The following GHR variants were observed in gnomAD, a reference collection of about 807,000 sequenced individuals.
GHR encodes GH receptor.
GHR carries 35 observed loss-of-function variants against 67.1 expected under a neutral mutation model. The observed-to-expected ratio is 0.52, with a 90% CI of 0.40 to 0.69. The LOEUF (loss-of-function observed/expected upper bound fraction) is 0.69. Ranked by LOEUF, GHR falls within the 30% of genes least tolerant of loss-of-function variation. GHR has a pLI of 0.00. For missense variants in GHR, 792 were observed against 764.6 expected, an observed-to-expected ratio of 1.04 and a Z score of -0.42; for synonymous variants, 272 against 269.1, an observed-to-expected ratio of 1.01 and a Z score of -0.10.
chr5:42,660,952 A>G (rs1052661598), intron 3 of GHR, among the ~76,000 whole-genome samples: 5 of 152,256 alleles, frequency 3.3e-5, no homozygotes, highest in East Asian at 3.8e-4. Flanking sequence ...CAAGAACTAC[A>G]TGAAGAATGC....
intron 8 of GHR, among the ~76,000 whole-genome samples, chr5:42,715,350 C>G (rs890215834): frequency 6.6e-6 from 1 of 152,134 alleles, no homozygotes; most frequent in Non-Finnish European, 1.5e-5. Flanking sequence ...CTGCAAAGAA[C>G]GAGATTTTTC....
chr5:42,548,100 T>G (rs1310552840), intron 1 of GHR: 4 of 985,338 alleles, frequency 4.1e-6, no homozygotes, highest in Non-Finnish European at 3.6e-6. Context: ...GACTCCAGCC[T>G]AGGCCTGGCC....
At chr5:42,716,615 A>G (rs1280548805) in intron 8 of GHR, among the ~76,000 whole-genome samples, 1 of 152,224 alleles carries the variant, frequency 6.6e-6, no homozygotes, top group Non-Finnish European at 1.5e-5. Context: ...TATATCCCAC[A>G]GTGTCTGATT....
intron 3 of GHR, among the ~76,000 whole-genome samples, chr5:42,645,758 T>A (rs186335941): frequency 6.2e-4 from 95 of 152,328 alleles, no homozygotes; most frequent in Non-Finnish European, 1.1e-3. Context: ...CAAGCTCATA[T>A]AAACAAGATG....
rs756789779 is a variant in GHR, at chr5:42,474,253, C to CAGAAAGAAAGAAAGAAAGAAAGAA, written c.-12+50301_-12+50302insAAGAAAGAAAGAAAGAAAGAAAGA. Among the ~76,000 whole-genome samples the CAGAAAGAAAGAAAGAAAGAAAGAA allele has an allele frequency of 5.9e-4, 30 of 50,640 alleles. 1 individual carries two copies. The highest frequency in any genetic ancestry group is 8.5e-4 in the African/African-American group (9 of 10,614). The allele number at this position is 50,640 out of a possible 152,430, so 33.2% of individuals were successfully genotyped here. A position where few individuals can be genotyped will look rare whatever the true frequency, so the allele number is the denominator to read the frequency against. On this transcript the variant is annotated intron_variant, in intron 1 of 9. Coordinates refer to ENST00000230882, the MANE Select transcript of GHR (RefSeq NM_000163.5). The stretch of plus-strand genomic sequence containing the variant: ...AAAAAGAAAGAAAGAGAGAGAAAGA[C>CAGAAAGAAAGAAAGAAAGAAAGAA]AGACAGAAAGAAAGAAAGAAAGAAA...
chr5:42,662,639 C>G (rs1377223402), intron 3 of GHR, among the ~76,000 whole-genome samples: 3 of 151,974 alleles, frequency 2.0e-5, no homozygotes, highest in Non-Finnish European at 4.4e-5. Flanking sequence ...ACTAAATGCC[C>G]ACAAGAGAAA....
chr5:42,671,408 A>G (rs562383810), intron 3 of GHR, among the ~76,000 whole-genome samples: 2 of 151,428 alleles, frequency 1.3e-5, no homozygotes, highest in South Asian at 4.2e-4. Flanking sequence ...TGATTCAAAC[A>G]CCTCCCACCA....
chr5:42,471,120 A>G (rs1409817648), intron 1 of GHR, among the ~76,000 whole-genome samples: 1 of 152,150 alleles, frequency 6.6e-6, no homozygotes, highest in African/African-American at 2.4e-5. Context: ...GGAATAGCCT[A>G]TACTTTGATG....
intron 2 of GHR, among the ~76,000 whole-genome samples, chr5:42,594,356 T>C (rs1287239862): frequency 1.3e-5 from 2 of 152,242 alleles, no homozygotes; most frequent in African/African-American, 2.4e-5. Context: ...CTCTCCATGG[T>C]CACTGTCACT....
At chr5:42,617,262 A>C (rs750778385) in intron 2 of GHR, among the ~76,000 whole-genome samples, 5 of 151,818 alleles carry the variant, frequency 3.3e-5, no homozygotes, top group East Asian at 1.9e-4. Flanking sequence ...AAGAAGAAGA[A>C]GACTAGATTT....
intron 5 of GHR, among the ~76,000 whole-genome samples, chr5:42,695,646 AG>A (rs1302623248): frequency 1.3e-5 from 2 of 152,244 alleles, no homozygotes; most frequent in African/African-American, 4.8e-5. Flanking sequence ...ACTAAGTGAA[AG>A]ATCCAAACAG....
chr5:42,493,600 A>G (rs1394799246), intron 1 of GHR, among the ~76,000 whole-genome samples: 11 of 152,190 alleles, frequency 7.2e-5, no homozygotes, highest in Admixed American at 1.3e-4. Context: ...GGATCTATAT[A>G]GAGTGATAGC....
chr5:42,505,406 T>C (rs1381224038), intron 1 of GHR, among the ~76,000 whole-genome samples: 1 of 151,986 alleles, frequency 6.6e-6, no homozygotes, highest in East Asian at 1.9e-4. Flanking sequence ...TCAGCAAACA[T>C]TTTTTGAGCA....
In GHR at chr5:42,719,307, A is replaced by G; in HGVS notation, c.1800A>G (p.Ile600Met). ...MPVPDYTSIH[I>M]VQSPQGLILN... is the part of the protein sequence containing the mutation. ...TCCCAGACTATACCTCCATTCATAT[A>G]GTACAGTCCCCACAGGGCCTCATAC... Residue 600 changes from isoleucine to methionine, a missense_variant, in exon 10 of 10, where the codon ATA becomes ATG. By Grantham distance (10) the Ile-to-Met change is conservative (BLOSUM62 1). Coordinates refer to ENST00000230882, the MANE Select transcript of GHR (RefSeq NM_000163.5). 6.2e-7 allele frequency: 1 copy of G among 1,614,160 alleles called. No individual in the cohort carries two copies. The highest frequency in any genetic ancestry group is 1.1e-5 in the South Asian group (1 of 91,076).
intron 1 of GHR, chr5:42,465,266 G>A: frequency 3.3e-6 from 2 of 611,366 alleles, no homozygotes; most frequent in Non-Finnish European, 5.7e-6. Flanking sequence ...GAAAGAATTT[G>A]ATTTTCTTAT....
intron 8 of GHR, among the ~76,000 whole-genome samples, chr5:42,716,911 G>A (rs1758752414): frequency 6.6e-6 from 1 of 152,136 alleles, no homozygotes; most frequent in South Asian, 2.1e-4. Flanking sequence ...ACCTCTTCAT[G>A]ACAGTGTCAT....
chr5:42,552,246 G>C (rs1172720540), intron 1 of GHR, among the ~76,000 whole-genome samples: 1 of 152,198 alleles, frequency 6.6e-6, no homozygotes, highest in East Asian at 1.9e-4. Flanking sequence ...TCTGAGCCAA[G>C]ATTTGCAAGG....
chr5:42,670,484 C>G (rs1756218506), intron 3 of GHR, among the ~76,000 whole-genome samples: 1 of 152,098 alleles, frequency 6.6e-6, no homozygotes, highest in Admixed American at 6.6e-5. Flanking sequence ...GATATGACCT[C>G]AAAAGCACAG....
chr5:42,597,406 A>C (rs1752128680), intron 2 of GHR, among the ~76,000 whole-genome samples: 1 of 152,152 alleles, frequency 6.6e-6, no homozygotes, highest in Non-Finnish European at 1.5e-5. Context: ...TATGTTAATA[A>C]TTGGCTTATG....
Sources: allele counts gnomAD v4.1 joint callset (sites outside exome capture counted in the v4.1 genomes callset), GRCh38; gene constraint gnomAD v4.1.1; transcripts MANE v1.5; gene names NCBI Gene and HGNC (gene_info 2026-07-23, HGNC 2026-07-21).